Variants in VPS35L observed in about 807,000 individuals in gnomAD.
VPS35L encodes the protein VPS35 endosomal protein-sorting factor-like.
VPS35L carries 83 observed loss-of-function variants against 133.0 expected under a neutral mutation model. The ratio of observed to expected loss-of-function variants is 0.62; its 90% CI spans 0.52 to 0.75. The LOEUF (loss-of-function observed/expected upper bound fraction) is 0.75. VPS35L is among the 30% of genes least tolerant of loss of function. The pLI is 0.00. For synonymous variants in VPS35L, 423 were observed against 449.9 expected (o/e 0.94, Z 0.76); for missense variants, 1,083 against 1,206.8 (o/e 0.90, Z 1.52).
intron 8 of VPS35L, among the ~76,000 whole-genome samples, chr16:19,592,764 C>A (rs968038138): frequency 1.3e-5 from 2 of 151,154 alleles, no homozygotes; most frequent in Non-Finnish European, 2.9e-5. Context: ...TGGCTCACTG[C>A]AACCTCTGCC....
At chr16:19,682,565 G>C (rs1179966760) in intron 28 of VPS35L, among the ~76,000 whole-genome samples, 175 bp downstream of exon 28, 1 of 152,182 alleles carries the variant, frequency 6.6e-6, no homozygotes, top group Non-Finnish European at 1.5e-5. Flanking sequence ...CAACTCTTAA[G>C]AGTACAGATT....
intron 9 of VPS35L, among the ~76,000 whole-genome samples, chr16:19,604,836 A>G (rs1972493847): frequency 1.3e-5 from 2 of 152,152 alleles, no homozygotes; most frequent in South Asian, 2.1e-4. Context: ...AGAAAGATAC[A>G]GTGTCTTTTG....
intron 8 of VPS35L, among the ~76,000 whole-genome samples, chr16:19,601,298 G>A (rs573553495): frequency 2.0e-5 from 3 of 152,248 alleles, no homozygotes; most frequent in Non-Finnish European, 2.9e-5. Context: ...GTTGTGTGTT[G>A]TGGAGTGGCC....
At chr16:19,663,689 T>C (rs1974567222) in intron 26 of VPS35L, among the ~76,000 whole-genome samples, 1 of 147,466 alleles carries the variant, frequency 6.8e-6, no homozygotes, top group Admixed American at 6.7e-5. Context: ...TTTTTTTTTT[T>C]TTTTTTTTAC....
intron 5 of VPS35L, among the ~76,000 whole-genome samples, chr16:19,577,620 T>C (rs963582507): frequency 6.6e-6 from 1 of 152,194 alleles, no homozygotes; most frequent in Non-Finnish European, 1.5e-5. Flanking sequence ...GTCTGGTTGT[T>C]TGTGCCTAAC....
chr16:19,668,154 G>A (rs953151248), intron 26 of VPS35L, among the ~76,000 whole-genome samples: 12 of 152,240 alleles, frequency 7.9e-5, no homozygotes, highest in African/African-American at 2.9e-4. Flanking sequence ...TGTGCTGGCC[G>A]GTGTTCCTGT....
At chr16:19,590,470 G>A (rs1597336126) in intron 7 of VPS35L, among the ~76,000 whole-genome samples, 1 of 151,960 alleles carries the variant, frequency 6.6e-6, no homozygotes, top group Non-Finnish European at 1.5e-5. Context: ...AATTCCTTAT[G>A]CTGACTTTTG....
chr16:19,570,862 TA>T (rs1567388504), intron 3 of VPS35L, among the ~76,000 whole-genome samples: 1 of 76,010 alleles, frequency 1.3e-5, no homozygotes, highest in African/African-American at 6.4e-5. Context: ...TATATATATA[TA>T]TATATATATA....
chr16:19,581,260 C>T (rs1409661957), intron 6 of VPS35L, among the ~76,000 whole-genome samples: 6 of 152,118 alleles, frequency 3.9e-5, no homozygotes, highest in African/African-American at 1.2e-4. Flanking sequence ...GGTCACACAG[C>T]TACTTGGTGT....
At chr16:19,556,343 C>T (rs1970855100) in intron 1 of VPS35L, among the ~76,000 whole-genome samples, 1 of 149,028 alleles carries the variant, frequency 6.7e-6, no homozygotes, top group South Asian at 2.1e-4. Context: ...CACCAGGGGG[C>T]TAGGGGAAGG....
At chr16:19,594,877 C>T (rs531581144) in intron 8 of VPS35L, among the ~76,000 whole-genome samples, 5 of 151,858 alleles carry the variant, frequency 3.3e-5, no homozygotes, top group Admixed American at 1.3e-4. Context: ...GAGGAAGCCT[C>T]GTTGAGAGGT....
chr16:19,594,910 C>A (rs60945290), intron 8 of VPS35L, among the ~76,000 whole-genome samples: 1 of 151,654 alleles, frequency 6.6e-6, no homozygotes, highest in Non-Finnish European at 1.5e-5. Flanking sequence ...TGCTTGAAGG[C>A]GGTGAGAGGG....
rs752893783 is a variant in VPS35L at position 19,626,172 on chromosome 16, A to G, written c.1225-5A>G. ...TTTTAATTATTATTATTTTTAACAT[A>G]ATAGGCTCTGCTGACCGAGATGATG... On this transcript the variant is annotated splice_polypyrimidine_tract_variant and splice_region_variant and intron_variant, in intron 14 of 30. Coordinates refer to ENST00000417362, the MANE Select transcript of VPS35L (RefSeq NM_020314.7). The G allele has an allele frequency of 1.3e-6, 2 of 1,575,034 alleles. No homozygotes were observed. Among genetic ancestry groups the G allele is most frequent in the Non-Finnish European group, 1.7e-6 (2 of 1,156,038 alleles).
intron 24 of VPS35L, among the ~76,000 whole-genome samples, chr16:19,648,797 G>A (rs138255731): frequency 0.055 from 8,281 of 150,690 alleles, 533 homozygotes; most frequent in African/African-American, 0.15. Flanking sequence ...AAATCTGGGA[G>A]GTGGAGGTTG....
intron 27 of VPS35L, among the ~76,000 whole-genome samples, chr16:19,670,343 C>T (rs1175530181): frequency 6.6e-6 from 1 of 152,210 alleles, no homozygotes; most frequent in Non-Finnish European, 1.5e-5. Flanking sequence ...GGGAAGGGCA[C>T]AGGCCTCGGA....
chr16:19,632,881 C>T (rs547216643), intron 18 of VPS35L, among the ~76,000 whole-genome samples: 3 of 152,304 alleles, frequency 2.0e-5, no homozygotes, highest in East Asian at 1.9e-4. Flanking sequence ...TTGAGAAGAG[C>T]GTTTAGTCCT....
intron 14 of VPS35L, among the ~76,000 whole-genome samples, chr16:19,622,805 G>A (rs1973126333): frequency 1.3e-5 from 2 of 152,144 alleles, no homozygotes; most frequent in African/African-American, 2.4e-5. Flanking sequence ...GAGTGGGTTA[G>A]GGAAGCCATT....
chr16:19,659,291 C>A lies in VPS35L; in HGVS notation c.2221+7201C>A, dbSNP rs148500436. Among the ~76,000 whole-genome samples the A allele has an allele frequency of 3.3e-3, 498 of 152,230 alleles. 4 individuals carry two copies. The highest frequency in any genetic ancestry group is 0.012 in the African/African-American group (488 of 41,552). ...TCTCCGAGGTAGGAGTTAGGTAACACATGGGCTGAGCATGCTTGGCTCAGT... is the reference window on the plus strand; with the variant it reads ...TCTCCGAGGTAGGAGTTAGGTAACAAATGGGCTGAGCATGCTTGGCTCAGT... On this transcript the variant is annotated intron_variant, in intron 26 of 30. Coordinates refer to ENST00000417362, the MANE Select transcript of VPS35L (RefSeq NM_020314.7).
Position 19,700,676 on chromosome 16 carries a change from A to AG in VPS35L, c.*200_*201insG. 1.8e-6 allele frequency: 1 copy of AG among 557,144 alleles called. No individual in the cohort carries two copies. The highest frequency in any genetic ancestry group is 3.2e-6 in the Non-Finnish European group (1 of 313,654). The allele number at this position is 557,144 out of a possible 1,614,324, so 34.5% of individuals were successfully genotyped here. ...GGAGTTGTCAGAGCATTAAAATGCA[A>AG]TCTTCACTAAGAAGCAGTCTCTGTG... On this transcript the variant is annotated 3_prime_UTR_variant, in exon 31 of 31. Coordinates refer to ENST00000417362, the MANE Select transcript of VPS35L (RefSeq NM_020314.7).
Sources: gnomAD v4.1 joint callset for allele counts (sites outside exome capture counted in the v4.1 genomes callset) on GRCh38, gnomAD v4.1.1 for gene constraint, MANE v1.5 for transcripts, NCBI Gene and HGNC (gene_info 2026-07-23, HGNC 2026-07-21) for gene names.